The following ALAS1 variants were observed in gnomAD, a reference collection of about 807,000 sequenced individuals.
The protein encoded by ALAS1 is 5-aminolevulinate synthase, non-specific, mitochondrial.
In ALAS1, 29 loss-of-function variants were observed where a neutral mutation model predicts 59.6. That is an observed-to-expected ratio of 0.49 (90% CI 0.36 to 0.66). The LOEUF (loss-of-function observed/expected upper bound fraction) is 0.66, where lower values mean the gene tolerates loss of function less well. ALAS1 is among the 30% of genes least tolerant of loss of function. The probability of loss-of-function intolerance (pLI) is 0.00; values close to 1 mark genes in which losing one functional copy is unlikely to be tolerated. For missense variants in ALAS1, 690 were observed against 807.5 expected (o/e 0.85, Z 1.76); for synonymous variants, 299 against 296.6 (o/e 1.01, Z -0.08).
chr3:52,198,394 C>G, intron 1 of ALAS1, 139 bp downstream of exon 1: 1 of 429,126 alleles, frequency 2.3e-6, no homozygotes, highest in Middle Eastern at 6.0e-4. Context: ...CAGCGTTTAT[C>G]CTCCAGATCT....
Position 52,206,007 on chromosome 3 carries a change from G to A in ALAS1, c.969G>A (p.Leu323=), listed in dbSNP as rs758776575. Residue 323 remains leucine (L), a synonymous_variant, in exon 7 of 12, where the codon CTG becomes CTA. Transcript: ENST00000484952. ...CCAATGACTCAACCCTCTTCACCCTGGCTAAGATGATGCCAGGTAAGGAAG... is the reference window on the plus strand; with the variant it reads ...CCAATGACTCAACCCTCTTCACCCTAGCTAAGATGATGCCAGGTAAGGAAG... The part of the protein sequence containing the change: ...FVANDSTLFT[L]AKMMPGCEIY... 7.4e-5 allele frequency: 119 copies of A among 1,601,630 alleles called. 2 individuals are homozygous for A. In the South Asian group the frequency reaches 7.9e-4, roughly 11 times the overall value.
intron 11 of ALAS1, 72 bp from the exon 12 acceptor site, chr3:52,213,948 T>C (rs1295638754): frequency 7.2e-7 from 1 of 1,383,096 alleles, no homozygotes; most frequent in Non-Finnish European, 9.9e-7. Context: ...TACAAGTTTT[T>C]GTGTGGACAT....
intron 9 of ALAS1, among the ~76,000 whole-genome samples, chr3:52,209,225 C>A (rs376130034): frequency 6.6e-6 from 1 of 151,536 alleles, no homozygotes; most frequent in African/African-American, 2.4e-5. Context: ...CTTTTTTTTC[C>A]GAGATGGAGT....
chr3:52,204,685 A>G lies in ALAS1; in HGVS notation c.578-8A>G, dbSNP rs1317102636. ...ACCATTCTGTACTGTCTTTTGTTCA[A>G]TTTTTAGCTGTTTCCACTTTTCAGT... On this transcript the variant is annotated splice_region_variant and splice_polypyrimidine_tract_variant and intron_variant, in intron 5 of 11. Coordinates refer to ENST00000484952, the MANE Select transcript of ALAS1 (RefSeq NM_000688.6). 1.2e-6 allele frequency: 2 copies of G among 1,612,000 alleles called. No homozygotes were observed. The highest frequency in any genetic ancestry group is 1.7e-6 in the Non-Finnish European group (2 of 1,178,676).
chr3:52,199,094 G>C, intron 2 of ALAS1, 116 bp from the exon 3 acceptor site: 1 of 1,104,198 alleles, frequency 9.1e-7, no homozygotes, highest in South Asian at 1.5e-5. Flanking sequence ...TTTTGAGGGA[G>C]AAGTGTTAGT....
At chr3:52,203,717 T>C (rs978811923) in intron 4 of ALAS1, 146 bp from the exon 5 acceptor site, 1 of 821,532 alleles carries the variant, frequency 1.2e-6, no homozygotes, top group Non-Finnish European at 1.8e-6. Context: ...AGAGATGCTT[T>C]GTACACTCAG....
upstream of ALAS1, chr3:52,198,111 C>A (rs1699104147): frequency 1.0e-5 from 4 of 397,950 alleles, no homozygotes; most frequent in Admixed American, 4.4e-5. Context: ...AAGGCGCATG[C>A]GCAGCGGTCA....
intron 3 of ALAS1, among the ~76,000 whole-genome samples, chr3:52,200,888 T>G (rs1269018759): frequency 6.6e-6 from 1 of 152,216 alleles, no homozygotes; most frequent in Admixed American, 6.5e-5. Flanking sequence ...AGTTTTTTTT[T>G]TCTTTAAGCA....
At chr3:52,198,139 G>C, upstream of ALAS1, 1 of 398,386 alleles carries the variant, frequency 2.5e-6, no homozygotes, top group Non-Finnish European at 4.4e-6. Flanking sequence ...TGTATATTAA[G>C]GCGCCGGCGA....
Position 52,199,323 on chromosome 3 carries a change from T to A in ALAS1, c.82T>A (p.Phe28Ile). ...FLQKAGKSLL[F>I]YAQNCPKMME... ...GCAGAAAGCAGGCAAATCTCTGTTG[T>A]TCTATGCCCAAAACTGCCCCAAGAT... The change falls in exon 3 of 12, where the codon TTC (phenylalanine) becomes ATC (isoleucine). Residue 28 changes from phenylalanine to isoleucine, a missense_variant. Transcript: ENST00000484952. 1 of 1,614,226 alleles carries A rather than the reference T, an allele frequency of 6.2e-7. No individual in the cohort carries two copies. Among genetic ancestry groups the A allele is most frequent in the Non-Finnish European group, 8.5e-7 (1 of 1,180,024 alleles).
At chr3:52,199,544 G>C in intron 3 of ALAS1, 104 bp downstream of exon 3, 8 of 1,094,204 alleles carry the variant, frequency 7.3e-6, no homozygotes, top group Non-Finnish European at 1.1e-5. Context: ...CACTCACAGA[G>C]GGCTGCTATG....
Position 52,212,342 on chromosome 3 carries a change from A to G in ALAS1, c.1684A>G (p.Thr562Ala). The change falls in exon 11 of 12, where the codon ACG (threonine) becomes GCG (alanine). Residue 562 changes from threonine (T) to alanine (A), a missense_variant. By Grantham distance (58) the Thr-to-Ala change is moderately conservative. Coordinates refer to ENST00000484952, the MANE Select transcript of ALAS1 (RefSeq NM_000688.6). ...CTACGTGCAAGCAATCAATTACCCT[A>G]CGGTGCCCCGGGGAGAAGAGCTCCT... ...NIYVQAINYPTVPRGEELLRI... is the reference protein window; with the variant it reads ...NIYVQAINYPAVPRGEELLRI... 6.2e-7 allele frequency: 1 copy of G among 1,614,150 alleles called. No individual in the cohort carries two copies. Among genetic ancestry groups the G allele is most frequent in the Non-Finnish European group, 8.5e-7 (1 of 1,180,024 alleles).
intron 3 of ALAS1, among the ~76,000 whole-genome samples, chr3:52,201,303 A>AG (rs1699181887): frequency 6.6e-6 from 1 of 152,262 alleles, no homozygotes; most frequent in South Asian, 2.1e-4. Context: ...ATGAGAAAGT[A>AG]GATGAGGTAT....
chr3:52,213,838 A>G (rs1436261198), intron 11 of ALAS1, among the ~76,000 whole-genome samples, 182 bp from the exon 12 acceptor site: 1 of 152,150 alleles, frequency 6.6e-6, no homozygotes, highest in Non-Finnish European at 1.5e-5. Context: ...ATAACCTTCC[A>G]TTGTACAGAT....
In ALAS1 at chr3:52,211,308, G is replaced by A. The variant is rs1228465350; in HGVS notation, c.1356G>A (p.Gly452=). The change falls in exon 10 of 12, where the codon GGG becomes GGA. Residue 452 remains glycine (G), a synonymous_variant. Transcript: ENST00000484952. ...TLGKAFGCVG[G]YIASTSSLID... ...GCAAAGCCTTTGGTTGTGTTGGAGGGTACATCGCCAGCACGAGTTCTCTGA... is the reference window on the plus strand; with the variant it reads ...GCAAAGCCTTTGGTTGTGTTGGAGGATACATCGCCAGCACGAGTTCTCTGA... 1 of 1,614,100 alleles carries A rather than the reference G, an allele frequency of 6.2e-7. No individual in the cohort carries two copies. The highest frequency in any genetic ancestry group is 1.7e-5 in the Admixed American group (1 of 60,020).
chr3:52,198,343 A>C (rs1260879984), intron 1 of ALAS1, 88 bp downstream of exon 1: 1 of 406,212 alleles, frequency 2.5e-6, no homozygotes, highest in Non-Finnish European at 4.3e-6. Context: ...GGGTGCTGGG[A>C]CCCCATCCCC....
intron 11 of ALAS1, among the ~76,000 whole-genome samples, chr3:52,213,064 G>A (rs569035874): frequency 2.0e-5 from 3 of 152,124 alleles, no homozygotes; most frequent in East Asian, 3.9e-4. Flanking sequence ...CTGTCCCTCC[G>A]GAGTCCACCT....
chr3:52,200,194 AC>A (rs1397596767), intron 3 of ALAS1, among the ~76,000 whole-genome samples: 1 of 152,156 alleles, frequency 6.6e-6, no homozygotes, highest in African/African-American at 2.4e-5. Flanking sequence ...AAGAAAAATT[AC>A]CATTTTAAGC....
Position 52,212,296 on chromosome 3 carries a change from A to G in ALAS1, c.1638A>G (p.Glu546=), listed in dbSNP as rs1699425572. The change falls in exon 11 of 12, where the codon GAA becomes GAG. Residue 546 remains glutamate (E), a synonymous_variant. Coordinates refer to ENST00000484952, the MANE Select transcript of ALAS1 (RefSeq NM_000688.6). ...DAAKNTEVCD[E]LMSRHNIYVQ... ...CTAAAAACACAGAAGTCTGTGATGAACTAATGAGCAGACATAACATCTACG... is the reference window on the plus strand; with the variant it reads ...CTAAAAACACAGAAGTCTGTGATGAGCTAATGAGCAGACATAACATCTACG... 1 of 1,614,098 alleles carries G rather than the reference A, an allele frequency of 6.2e-7. No individual in the cohort carries two copies. Among genetic ancestry groups the G allele is most frequent in the African/African-American group, 1.3e-5 (1 of 75,038 alleles).
Sources: gnomAD v4.1 joint callset for allele counts (sites outside exome capture counted in the v4.1 genomes callset) on GRCh38, gnomAD v4.1.1 for gene constraint, MANE v1.5 for transcripts, NCBI Gene and HGNC (gene_info 2026-07-23, HGNC 2026-07-21) for gene names.